The following ZNF92 variants were observed in gnomAD, a reference collection of about 807,000 sequenced individuals.
The protein encoded by ZNF92 is zinc finger protein 92.
A neutral mutation model predicts 12.4 loss-of-function variants in ZNF92; 11 were observed. That is an observed-to-expected ratio of 0.89 (90% CI 0.56 to 1.47). The LOEUF (loss-of-function observed/expected upper bound fraction) is 1.47, where lower values mean the gene tolerates loss of function less well. ZNF92 is among the 40% of genes most tolerant of loss of function. The pLI is 0.00. For missense variants in ZNF92, 622 were observed against 681.0 expected (o/e 0.91, Z 0.96); for synonymous variants, 206 against 228.6 (o/e 0.90, Z 0.89).
chr7:65,395,497 T>G, intron 3 of ZNF92, among the ~76,000 whole-genome samples: 1 of 152,126 alleles, frequency 6.6e-6, no homozygotes, highest in East Asian at 1.9e-4. Flanking sequence ...ATTGTTTGGA[T>G]GTTCATGTTC....
intron 1 of ZNF92, among the ~76,000 whole-genome samples, chr7:65,382,197 A>C (rs1793438950): frequency 6.6e-6 from 1 of 151,934 alleles, no homozygotes; most frequent in African/African-American, 2.4e-5. Flanking sequence ...TTATGGACTA[A>C]TTATTGTGAC....
chr7:65,384,076 GTTA>G (rs1478222720), intron 1 of ZNF92, among the ~76,000 whole-genome samples: 1 of 152,052 alleles, frequency 6.6e-6, no homozygotes, highest in Non-Finnish European at 1.5e-5. Flanking sequence ...CAGAAGAGTT[GTTA>G]TTATTATTTC....
Position 65,399,263 on chromosome 7 carries a change from C to A in ZNF92, c.1149C>A (p.Thr383=). The change falls in exon 4 of 4, where the codon ACC becomes ACA. Residue 383 remains threonine (T), a synonymous_variant. Transcript: ENST00000328747. The stretch of plus-strand genomic sequence containing the variant: ...GCAAAGCCTTTAACCAGTCCTCAAC[C>A]CTTACTAAACATAAAAGAATTCATA... ...ECGKAFNQSS[T]LTKHKRIHTG... is the part of the protein sequence containing the mutation. The A allele has an allele frequency of 6.2e-7, 1 of 1,607,770 alleles. No individual in the cohort carries two copies. Among genetic ancestry groups the A allele is most frequent in the Middle Eastern group, 1.7e-4 (1 of 6,030 alleles).
Position 65,373,896 on chromosome 7 carries a change from C to G in ZNF92, c.-102C>G, listed in dbSNP as rs1419494822. On this transcript the variant is annotated 5_prime_UTR_variant, in exon 1 of 4. Transcript: ENST00000328747. ...GGCGCTCCACGTCTAGTCTTCACTG[C>G]TCTGCGTCCTGTGCTGATAAAGGCT... The G allele has an allele frequency of 8.5e-6, 13 of 1,531,038 alleles. 1 individual carries two copies. In the South Asian group the frequency reaches 1.5e-4, roughly 17 times the overall value. 94.8% of individuals were successfully genotyped at this position (1,531,038 alleles called of 1,614,324 possible).
chr7:65,375,009 TTTAA>T (rs143042514), intron 1 of ZNF92, among the ~76,000 whole-genome samples: 1,834 of 152,270 alleles, frequency 0.012, 47 homozygotes, highest in African/African-American at 0.04. Flanking sequence ...GATGGCATAT[TTTAA>T]TTAATCATTT....
chr7:65,398,970 A>G lies in ZNF92; in HGVS notation c.856A>G (p.Lys286Glu), dbSNP rs765329876. ...AATTCATACAGAAGAGAAACCCTAC[A>G]AATGTGAAGAATGTGGCAAGGCCTT... ...KRIHTEEKPY[K>E]CEECGKAFNQ... The change falls in exon 4 of 4, where the codon AAA becomes GAA. Residue 286 changes from lysine to glutamate, a missense_variant. Lys to Glu is a moderately conservative substitution (Grantham distance 56, BLOSUM62 1). Transcript: ENST00000328747. 9.9e-6 allele frequency: 16 copies of G among 1,613,594 alleles called. No individual in the cohort carries two copies. Among genetic ancestry groups the G allele is most frequent in the Non-Finnish European group, 1.4e-5 (16 of 1,179,818 alleles).
chr7:65,395,107 G>A (rs753998153), intron 3 of ZNF92, among the ~76,000 whole-genome samples: 10 of 152,120 alleles, frequency 6.6e-5, no homozygotes, highest in Non-Finnish European at 1.3e-4. Flanking sequence ...ACAGGCTGGA[G>A]TGCAGTGGCA....
At chr7:65,381,099 C>A (rs1240543521) in intron 1 of ZNF92, among the ~76,000 whole-genome samples, 22 of 152,076 alleles carry the variant, frequency 1.4e-4, no homozygotes, top group African/African-American at 5.1e-4. Flanking sequence ...CTGCAACCTC[C>A]ATCTCCTGGG....
At position 65,399,044 on chromosome 7, in the gene ZNF92, TA is replaced by T; in HGVS notation, c.933del (p.Lys311AsnfsTer23). On this transcript the variant is annotated frameshift_variant, in exon 4 of 4. Transcript: ENST00000328747. LOFTEE classifies it low-confidence loss of function (END_TRUNC). ...AACATAAGAGAATTCATATGGAAGA[TA>T]AACCCTACAAATGTGAAGAATGTGG... ...NKHKRIHMEDKPYKCEECGKA... is the reference protein window; with the variant it reads ...NKHKRIHMEDXPYKCEECGKA... The T allele has an allele frequency of 6.2e-7, 1 of 1,609,612 alleles. No individual in the cohort carries two copies. The highest frequency in any genetic ancestry group is 1.1e-5 in the South Asian group (1 of 90,878).
intron 3 of ZNF92, among the ~76,000 whole-genome samples, chr7:65,398,054 A>G (rs1182125046): frequency 6.6e-6 from 1 of 152,138 alleles, no homozygotes; most frequent in Non-Finnish European, 1.5e-5. Context: ...GAGCAGGAAG[A>G]GCTGTGTTGG....
chr7:65,399,710 T>G lies in ZNF92; in HGVS notation c.1596T>G (p.Thr532=). Residue 532 remains threonine, a synonymous_variant, in exon 4 of 4, where the codon ACT becomes ACG. Transcript: ENST00000328747. ...SNLTARKIIY[T]GEKPYKYEEC... Reference sequence around the variant, plus strand: ...TTACTGCACGTAAGATAATTTATACTGGAGAGAAACCCTACAAATATGAAG... The same window carrying G: ...TTACTGCACGTAAGATAATTTATACGGGAGAGAAACCCTACAAATATGAAG... 1.2e-6 allele frequency: 2 copies of G among 1,613,286 alleles called. No homozygotes were observed. Among genetic ancestry groups the G allele is most frequent in the South Asian group, 2.2e-5 (2 of 91,038 alleles).
At chr7:65,397,946 G>C (rs1793885766) in intron 3 of ZNF92, among the ~76,000 whole-genome samples, 2 of 152,038 alleles carry the variant, frequency 1.3e-5, no homozygotes, top group Non-Finnish European at 2.9e-5. Context: ...AAGGCCCCTA[G>C]AGGCCAAAAA....
rs1793996880 is a variant in ZNF92, at chr7:65,400,909, C to G, written c.*1034C>G. On this transcript the variant is annotated 3_prime_UTR_variant, in exon 4 of 4. Coordinates refer to ENST00000328747, the MANE Select transcript of ZNF92 (RefSeq NM_152626.4). ...AGTAAGAAAATTAAAATACAAGATGCATGAGGAAAATGTAGAGATGCTCTT... is the reference window on the plus strand; with the variant it reads ...AGTAAGAAAATTAAAATACAAGATGGATGAGGAAAATGTAGAGATGCTCTT... 1 of 151,792 alleles carries G rather than the reference C, an allele frequency of 6.6e-6. No individual in the cohort carries two copies. Among genetic ancestry groups the G allele is most frequent in the South Asian group, 2.1e-4 (1 of 4,828 alleles). The allele number at this position is 151,792 out of a possible 1,614,324, so 9.4% of individuals were successfully genotyped here. A position where few individuals can be genotyped will look rare whatever the true frequency, so the allele number is the denominator to read the frequency against.
intron 1 of ZNF92, among the ~76,000 whole-genome samples, chr7:65,387,044 A>G (rs1386066875): frequency 2.0e-5 from 3 of 151,060 alleles, no homozygotes; most frequent in African/African-American, 7.3e-5. Context: ...GGTTCAAGCA[A>G]TTCTCCTGCC....
chr7:65,375,908 G>T (rs1358287299), intron 1 of ZNF92, among the ~76,000 whole-genome samples: 1 of 151,866 alleles, frequency 6.6e-6, no homozygotes, highest in Non-Finnish European at 1.5e-5. Context: ...TACACCTGGG[G>T]TATAGTGTCT....
chr7:65,389,308 T>G (rs1460797749), intron 3 of ZNF92, among the ~76,000 whole-genome samples: 1 of 151,990 alleles, frequency 6.6e-6, no homozygotes, highest in African/African-American at 2.4e-5. Context: ...AAAAATAGTT[T>G]CTGGGAAGCC....
chr7:65,398,438 T>C lies in ZNF92; in HGVS notation c.324T>C (p.His108=). The C allele has an allele frequency of 6.2e-7, 1 of 1,612,942 alleles. No homozygotes were observed. Among genetic ancestry groups the C allele is most frequent in the South Asian group, 1.1e-5 (1 of 90,898 alleles). Residue 108 remains histidine, a synonymous_variant, in exon 4 of 4, where the codon CAT becomes CAC. Transcript: ENST00000328747. ...TGAGAACATATGGAAAATATGGACATGAGAATTTACAGCTAAGAAAAGACC... is the reference window on the plus strand; with the variant it reads ...TGAGAACATATGGAAAATATGGACACGAGAATTTACAGCTAAGAAAAGACC... ...VILRTYGKYG[H]ENLQLRKDHK...
intron 1 of ZNF92, among the ~76,000 whole-genome samples, chr7:65,382,840 C>T (rs1225157851): frequency 6.6e-6 from 1 of 152,100 alleles, no homozygotes; most frequent in African/African-American, 2.4e-5. Flanking sequence ...AACCTTTTAT[C>T]TGAGAAATGC....
chr7:65,386,315 A>T, intron 1 of ZNF92, among the ~76,000 whole-genome samples: 1 of 152,090 alleles, frequency 6.6e-6, no homozygotes, highest in Non-Finnish European at 1.5e-5. Flanking sequence ...CACCGCACCC[A>T]GGCAAATATT....
Sources: allele counts gnomAD v4.1 joint callset (sites outside exome capture counted in the v4.1 genomes callset), GRCh38; gene constraint gnomAD v4.1.1; transcripts MANE v1.5; gene names NCBI Gene and HGNC (gene_info 2026-07-23, HGNC 2026-07-21).